The following CCDC178 variants were observed in gnomAD, a reference collection of about 807,000 sequenced individuals.
The protein encoded by CCDC178 is coiled-coil domain containing 178, also known as coiled-coil domain-containing protein 178.
In CCDC178, 126 loss-of-function variants were observed where a neutral mutation model predicts 117.4. That is an observed-to-expected ratio of 1.07 (90% CI 0.93 to 1.24). The LOEUF is 1.24. Ranked by LOEUF, CCDC178 falls within the 50% of genes most tolerant of loss-of-function variation. The pLI is 0.00. For missense variants in CCDC178, 1,030 were observed against 986.9 expected (o/e 1.04, Z -0.59); for synonymous variants, 283 against 313.4 (o/e 0.90, Z 1.02).
rs781290469 is a variant in CCDC178, at chr18:33,215,623, T to A, written c.2005A>T (p.Asn669Tyr). The A allele has an allele frequency of 6.5e-7, 1 of 1,532,436 alleles. No homozygotes were observed. Among genetic ancestry groups the A allele is most frequent in the Non-Finnish European group, 8.7e-7 (1 of 1,144,246 alleles). 94.9% of individuals were successfully genotyped at this position (1,532,436 alleles called of 1,614,324 possible). ...SKTMIFYAKI[N>Y]ELNEELKAKE... ...GCTTTTAATTCCTCATTCAATTCATTTATTTTTGCATAAAAAATCATTGTC... is the reference window on the plus strand; with the variant it reads ...GCTTTTAATTCCTCATTCAATTCATATATTTTTGCATAAAAAATCATTGTC... Residue 669 changes from asparagine (N) to tyrosine (Y), a missense_variant, in exon 19 of 23, where the codon AAT (asparagine) becomes TAT (tyrosine). Physicochemically the swap from Asn to Tyr is moderately radical, Grantham distance 143. Coordinates refer to ENST00000383096, the MANE Select transcript of CCDC178 (RefSeq NM_001105528.4).
intron 9 of CCDC178, among the ~76,000 whole-genome samples, chr18:33,344,890 T>A: frequency 6.7e-6 from 1 of 149,840 alleles, no homozygotes; most frequent in African/African-American, 2.5e-5. Context: ...ACTATATTAG[T>A]GGAGCATACA....
At chr18:33,354,285 T>C (rs542642087) in intron 7 of CCDC178, among the ~76,000 whole-genome samples, 17 of 152,246 alleles carry the variant, frequency 1.1e-4, no homozygotes, top group African/African-American at 4.1e-4. Context: ...TTGATTCTAT[T>C]TGGAGTTCAT....
At chr18:33,350,524 T>C (rs1413235489) in intron 7 of CCDC178, among the ~76,000 whole-genome samples, 1 of 152,196 alleles carries the variant, frequency 6.6e-6, no homozygotes, top group African/African-American at 2.4e-5. Context: ...AGAAATGTAA[T>C]CATATAAGTG....
intron 21 of CCDC178, among the ~76,000 whole-genome samples, chr18:33,082,938 A>G (rs868136399): frequency 6.6e-6 from 1 of 152,020 alleles, no homozygotes; most frequent in Non-Finnish European, 1.5e-5. Flanking sequence ...AGGTTATTTC[A>G]TAATAGTATA....
intron 9 of CCDC178, among the ~76,000 whole-genome samples, chr18:33,335,828 T>C (rs927273906): frequency 1.3e-5 from 2 of 152,116 alleles, no homozygotes; most frequent in African/African-American, 2.4e-5. Flanking sequence ...TTGAGTAAAA[T>C]TATGTGGTCT....
chr18:33,336,286 T>C (rs1390976202), intron 9 of CCDC178, among the ~76,000 whole-genome samples: 2 of 152,078 alleles, frequency 1.3e-5, no homozygotes, highest in African/African-American at 2.4e-5. Flanking sequence ...CTTGTCACTC[T>C]GGGTGAGACT....
At chr18:33,366,821 A>G (rs1194571767) in intron 6 of CCDC178, among the ~76,000 whole-genome samples, 1 of 152,142 alleles carries the variant, frequency 6.6e-6, no homozygotes, top group South Asian at 2.1e-4. Flanking sequence ...AGCACCAGAT[A>G]CGTTATCAGA....
intron 10 of CCDC178, among the ~76,000 whole-genome samples, chr18:33,325,019 ATT>A (rs1407956380): frequency 2.6e-5 from 4 of 151,584 alleles, no homozygotes; most frequent in Non-Finnish European, 5.9e-5. Flanking sequence ...AAATAATTTT[ATT>A]TCACAATTTT....
At chr18:33,227,100 C>T (rs989310109) in intron 15 of CCDC178, among the ~76,000 whole-genome samples, 1 of 151,952 alleles carries the variant, frequency 6.6e-6, no homozygotes, top group African/African-American at 2.4e-5. Flanking sequence ...TAGTCCTAAA[C>T]TTAAAAAATC....
At chr18:33,089,788 T>C (rs2057435366) in intron 21 of CCDC178, among the ~76,000 whole-genome samples, 1 of 152,142 alleles carries the variant, frequency 6.6e-6, no homozygotes, top group Admixed American at 6.6e-5. Flanking sequence ...ACTTTAAAGA[T>C]AAAATATTAA....
rs1490702576 is a variant in CCDC178, at chr18:33,316,477, G to A, written c.1022+7014C>T. On this transcript the variant is annotated intron_variant, in intron 11 of 22. Coordinates refer to ENST00000383096, the MANE Select transcript of CCDC178 (RefSeq NM_001105528.4). Reference sequence around the variant, plus strand: ...GCCCCCCGCACCCCTCCCCCCACACGCCGTGGGCTCCTGCACTGCCCTAGC... The same window carrying A: ...GCCCCCCGCACCCCTCCCCCCACACACCGTGGGCTCCTGCACTGCCCTAGC... Among the ~76,000 whole-genome samples, 6 of 151,906 alleles carry A rather than the reference G, an allele frequency of 3.9e-5. No homozygotes were observed. In the Middle Eastern group the frequency reaches 0.014, roughly 344 times the overall value.
chr18:32,947,486 G>T (rs1252430971), intron 22 of CCDC178, among the ~76,000 whole-genome samples: 3 of 152,044 alleles, frequency 2.0e-5, no homozygotes, highest in African/African-American at 7.2e-5. Context: ...CTACTTATTT[G>T]CCATTTGTAT....
intron 20 of CCDC178, among the ~76,000 whole-genome samples, chr18:33,192,460 G>A (rs935140419): frequency 1.3e-5 from 2 of 152,226 alleles, no homozygotes; most frequent in South Asian, 2.1e-4. Flanking sequence ...ACATGATGTG[G>A]ACATTAATAA....
At chr18:33,295,089 A>G (rs559080721) in intron 11 of CCDC178, among the ~76,000 whole-genome samples, 5 of 152,302 alleles carry the variant, frequency 3.3e-5, no homozygotes, top group Non-Finnish European at 5.9e-5. Flanking sequence ...TGCAATCAAG[A>G]AAGTGTGATA....
chr18:33,038,436 T>C (rs1295299746), intron 21 of CCDC178, among the ~76,000 whole-genome samples: 1 of 152,006 alleles, frequency 6.6e-6, no homozygotes, highest in Admixed American at 6.6e-5. Context: ...TTACCTTTCA[T>C]GTCGATAGGT....
At chr18:33,053,583 T>G (rs576891911) in intron 21 of CCDC178, among the ~76,000 whole-genome samples, 8 of 152,320 alleles carry the variant, frequency 5.3e-5, no homozygotes, top group African/African-American at 1.7e-4. Context: ...TTCAACATTG[T>G]AAATTCAAAC....
chr18:33,378,098 G>C (rs1199496530), intron 5 of CCDC178, among the ~76,000 whole-genome samples: 1 of 152,128 alleles, frequency 6.6e-6, no homozygotes, highest in Non-Finnish European at 1.5e-5. Context: ...TTTTCCATTT[G>C]TCTGTGTCAT....
chr18:33,047,897 C>A (rs532619933), intron 21 of CCDC178, among the ~76,000 whole-genome samples: 25 of 152,242 alleles, frequency 1.6e-4, no homozygotes, highest in Non-Finnish European at 3.1e-4. Context: ...CATAAAAGAT[C>A]AACTTGGAAG....
chr18:33,204,470 A>G (rs2059026399), intron 20 of CCDC178, among the ~76,000 whole-genome samples: 2 of 152,150 alleles, frequency 1.3e-5, no homozygotes, highest in African/African-American at 4.8e-5. Flanking sequence ...ATGTCCACTT[A>G]TTTTGTACCA....
Sources: gnomAD v4.1 joint callset for allele counts (sites outside exome capture counted in the v4.1 genomes callset) on GRCh38, gnomAD v4.1.1 for gene constraint, MANE v1.5 for transcripts, NCBI Gene and HGNC (gene_info 2026-07-23, HGNC 2026-07-21) for gene names.